AHCYL1: variants seen among roughly 807,000 people sequenced by gnomAD.
AHCYL1 encodes the protein S-adenosylhomocysteine hydrolase-like protein 1.
Under a neutral mutation model 79.3 loss-of-function variants are expected in AHCYL1, and 20 were observed. That is an observed-to-expected ratio of 0.25 (90% CI 0.18 to 0.37). The LOEUF (loss-of-function observed/expected upper bound fraction) is 0.37. Ranked by LOEUF, AHCYL1 falls within the 10% of genes least tolerant of loss-of-function variation. The probability of loss-of-function intolerance (pLI) is 1.00; values close to 1 mark genes in which losing one functional copy is unlikely to be tolerated. For missense variants in AHCYL1, 330 were observed against 673.6 expected, an observed-to-expected ratio of 0.49 and a Z score of 5.65; for synonymous variants, 223 against 242.2, an observed-to-expected ratio of 0.92 and a Z score of 0.74.
At chr1:110,008,020 G>T (rs201023571) in intron 1 of AHCYL1, among the ~76,000 whole-genome samples, 111 of 110,106 alleles carry the variant, frequency 1.0e-3, no homozygotes, top group African/African-American at 2.3e-3. Flanking sequence ...TTTTTTTTTT[G>T]GGTTTTTTTT....
In AHCYL1 at chr1:110,012,995, G is replaced by A. The variant is rs748064006; in HGVS notation, c.576G>A (p.Glu192=). The stretch of plus-strand genomic sequence containing the variant: ...ATGAAGTAGCTGCAGCACTGGCTGA[G>A]GCTGGTAAGTTCGGTTTTTTCCCAC... The part of the protein sequence containing the change: ...TQNEVAAALA[E]AGVAVFAWKG... The change falls in exon 5 of 17, where the codon GAG becomes GAA. Residue 192 remains glutamate, a synonymous_variant. Coordinates refer to ENST00000369799, the MANE Select transcript of AHCYL1 (RefSeq NM_006621.7). 5 of 1,607,222 alleles carry A rather than the reference G, an allele frequency of 3.1e-6. No individual in the cohort carries two copies. Among genetic ancestry groups the A allele is most frequent in the Non-Finnish European group, 1.7e-6 (2 of 1,177,708 alleles).
In AHCYL1 at chr1:110,012,905, T is replaced by C; in HGVS notation, c.486T>C (p.Ile162=). The C allele has an allele frequency of 6.2e-7, 1 of 1,610,906 alleles. No homozygotes were observed. The highest frequency in any genetic ancestry group is 8.5e-7 in the Non-Finnish European group (1 of 1,179,014). Residue 162 remains isoleucine, a synonymous_variant, in exon 5 of 17, where the codon ATT becomes ATC. Coordinates refer to ENST00000369799, the MANE Select transcript of AHCYL1 (RefSeq NM_006621.7). ...THITAQTAVL[I]ETLCALGAQC... is the part of the protein sequence containing the mutation. ...CCTACACTTCTACACAGGTGTTGAT[T>C]GAGACACTCTGTGCCCTGGGGGCTC...
At chr1:110,021,100 G>T (rs540090063) in intron 16 of AHCYL1, among the ~76,000 whole-genome samples, 13 of 152,286 alleles carry the variant, frequency 8.5e-5, no homozygotes, top group African/African-American at 3.1e-4. Flanking sequence ...TCTTAGCCGG[G>T]TGTGGTGGCG....
intron 3 of AHCYL1, among the ~76,000 whole-genome samples, chr1:110,011,987 G>A (rs1351442787): frequency 1.3e-5 from 2 of 152,158 alleles, no homozygotes; most frequent in Admixed American, 6.5e-5. Context: ...TAGTGGTTTC[G>A]GCTGAGGGTA....
Position 110,011,277 on chromosome 1 carries a change from C to G in AHCYL1, c.296C>G (p.Ser99Cys), listed in dbSNP as rs1176224803. ...CCCCGAGAGAAGCAGCAAACCAACT[C>G]CAAGGGCAGCAGCAATTTCTGTGTG... ...VSPREKQQTN[S>C]KGSSNFCVKN... Residue 99 changes from serine (S) to cysteine (C), a missense_variant, in exon 3 of 17, where the codon TCC (serine) becomes TGC (cysteine). Physicochemically the swap from Ser to Cys is moderately radical, Grantham distance 112 (BLOSUM62 -1). This residue lies in a region of AHCYL1 where 97 missense variants were observed against 176.3 expected (regional missense o/e 0.55). Transcript: ENST00000369799. The G allele has an allele frequency of 6.2e-7, 1 of 1,613,968 alleles. No homozygotes were observed. The highest frequency in any genetic ancestry group is 1.1e-5 in the South Asian group (1 of 91,070).
At chr1:109,998,835 T>C (rs1557763181) in intron 1 of AHCYL1, among the ~76,000 whole-genome samples, 2 of 152,226 alleles carry the variant, frequency 1.3e-5, no homozygotes. Context: ...TTGATATTTT[T>C]TTCAGCTTTA....
intron 1 of AHCYL1, among the ~76,000 whole-genome samples, chr1:110,003,057 C>T (rs979169674): frequency 6.6e-6 from 1 of 152,068 alleles, no homozygotes; most frequent in African/African-American, 2.4e-5. Flanking sequence ...CAACCAACTG[C>T]ATTTAATGAA....
intron 1 of AHCYL1, chr1:110,001,008 TC>T: frequency 1.0e-6 from 1 of 958,472 alleles, no homozygotes; most frequent in Non-Finnish European, 1.2e-6. Context: ...ATTTCAAACT[TC>T]CTGTACAATC....
At chr1:109,988,043 A>G (rs1649563465) in intron 1 of AHCYL1, among the ~76,000 whole-genome samples, 1 of 152,244 alleles carries the variant, frequency 6.6e-6, no homozygotes, top group Non-Finnish European at 1.5e-5. Flanking sequence ...AAAGGAAGTA[A>G]AAACTATAGA....
At position 109,984,812 on chromosome 1, in the gene AHCYL1, T is replaced by G; in HGVS notation, c.-241T>G. 1.2e-5 allele frequency: 4 copies of G among 342,382 alleles called. No individual in the cohort carries two copies. The highest frequency in any genetic ancestry group is 8.0e-5 in the Admixed American group (1 of 12,554). The allele number at this position is 342,382 out of a possible 1,614,324, so 21.2% of individuals were successfully genotyped here. ...CAGCGGAGGTGGCGGCGCGGGCAGGTCGGAGCTCGGAGCTGCTGTTCTGGT... is the reference window on the plus strand; with the variant it reads ...CAGCGGAGGTGGCGGCGCGGGCAGGGCGGAGCTCGGAGCTGCTGTTCTGGT... On this transcript the variant is annotated 5_prime_UTR_variant, in exon 1 of 17. Coordinates refer to ENST00000369799, the MANE Select transcript of AHCYL1 (RefSeq NM_006621.7).
At chr1:110,018,265 T>A in intron 11 of AHCYL1, 108 bp from the exon 12 acceptor site, 3 of 1,053,192 alleles carry the variant, frequency 2.8e-6, no homozygotes, top group Non-Finnish European at 2.9e-6. Flanking sequence ...AATGTCTACA[T>A]GTTCTTTAAT....
rs1220103560 is a variant in AHCYL1, at chr1:110,002,756, A to G, written c.121-6278A>G. Among the ~76,000 whole-genome samples, 6 of 152,252 alleles carry G rather than the reference A, an allele frequency of 3.9e-5. 1 individual carries two copies. On this transcript the variant is annotated intron_variant, in intron 1 of 16. Coordinates refer to ENST00000369799, the MANE Select transcript of AHCYL1 (RefSeq NM_006621.7). ...ATGTTCTCACTTTAACCAGGACTCAATCTTAGCATTGCTAATAGTGGAACA... is the reference window on the plus strand; with the variant it reads ...ATGTTCTCACTTTAACCAGGACTCAGTCTTAGCATTGCTAATAGTGGAACA...
chr1:110,016,302 A>G (rs1295956675), intron 7 of AHCYL1, 42 bp from the exon 8 acceptor site: 26 of 1,456,334 alleles, frequency 1.8e-5, no homozygotes, highest in African/African-American at 7.1e-5. Flanking sequence ...TGTGCCAGCT[A>G]ACTTGGTTTT....
chr1:109,990,939 C>A (rs1649726150), intron 1 of AHCYL1, among the ~76,000 whole-genome samples: 2 of 152,188 alleles, frequency 1.3e-5, no homozygotes, highest in African/African-American at 4.8e-5. Context: ...CCGCCCCCAT[C>A]CCTGCAGGTA....
intron 1 of AHCYL1, among the ~76,000 whole-genome samples, chr1:110,001,437 C>T (rs962275349): frequency 2.0e-5 from 3 of 152,166 alleles, no homozygotes; most frequent in East Asian, 1.9e-4. Flanking sequence ...CCACCCTGCT[C>T]GACCTCCCAA....
At chr1:109,994,973 G>GT (rs1314741951) in intron 1 of AHCYL1, among the ~76,000 whole-genome samples, 1 of 152,192 alleles carries the variant, frequency 6.6e-6, no homozygotes, top group Non-Finnish European at 1.5e-5. Context: ...AAGATGTATT[G>GT]TAAGTCCAAG....
chr1:109,996,216 GA>G (rs1650021877), intron 1 of AHCYL1, among the ~76,000 whole-genome samples: 2 of 151,842 alleles, frequency 1.3e-5, no homozygotes, highest in Admixed American at 1.3e-4. Context: ...TCTCAAAAAA[GA>G]AAAAAAGATG....
In AHCYL1 at chr1:110,021,672, A is replaced by T; in HGVS notation, c.1587-2A>T. 1 of 1,612,304 alleles carries T rather than the reference A, an allele frequency of 6.2e-7. No individual in the cohort carries two copies. Among genetic ancestry groups the T allele is most frequent in the Non-Finnish European group, 8.5e-7 (1 of 1,178,828 alleles). On this transcript the variant is annotated splice_acceptor_variant, in intron 16 of 16. Transcript: ENST00000369799. LOFTEE classifies it high-confidence loss of function. ...TTAACCAATCACTCTCTCTCTTTAC[A>T]GATACTAATGGACCATACTACCAAG... is the stretch of plus-strand genomic sequence containing the variant.
At chr1:109,994,393 G>A (rs996396936) in intron 1 of AHCYL1, among the ~76,000 whole-genome samples, 1 of 152,160 alleles carries the variant, frequency 6.6e-6, no homozygotes, top group Non-Finnish European at 1.5e-5. Flanking sequence ...CTCCCAAGTA[G>A]CTGGGATTAC....
Sources: gnomAD v4.1 joint callset for allele counts (sites outside exome capture counted in the v4.1 genomes callset) on GRCh38, gnomAD v4.1.1 for gene constraint, gnomAD v4.1.1 regional missense constraint, MANE v1.5 for transcripts, NCBI Gene and HGNC (gene_info 2026-07-23, HGNC 2026-07-21) for gene names.